DOCK2: variants seen among roughly 807,000 people sequenced by gnomAD.
DOCK2 encodes the protein dedicator of cytokinesis protein 2.
Under a neutral mutation model 248.9 loss-of-function variants are expected in DOCK2, and 87 were observed. That is an observed-to-expected ratio of 0.35 (90% CI 0.29 to 0.42). DOCK2 has a LOEUF of 0.42. DOCK2 is among the 10% of genes least tolerant of loss of function. The pLI, the probability that DOCK2 is intolerant of heterozygous loss-of-function variation, is 1.00. For synonymous variants in DOCK2, 805 were observed against 821.6 expected (o/e 0.98, Z 0.35); for missense variants, 1,747 against 2,300.2 (o/e 0.76, Z 4.92).
chr5:169,821,308 A>G (rs183706345), intron 26 of DOCK2, among the ~76,000 whole-genome samples: 2 of 151,888 alleles, frequency 1.3e-5, no homozygotes, highest in African/African-American at 4.9e-5. Flanking sequence ...ACTCCAAGAC[A>G]CATAATTGTC....
intron 1 of DOCK2, among the ~76,000 whole-genome samples, chr5:169,641,125 C>T (rs903475615): frequency 1.3e-5 from 2 of 152,162 alleles, no homozygotes; most frequent in Non-Finnish European, 2.9e-5. Flanking sequence ...CCGCATTTCT[C>T]CTTTTAAAAA....
At chr5:169,659,740 T>C (rs1222661936) in intron 2 of DOCK2, among the ~76,000 whole-genome samples, 1 of 152,192 alleles carries the variant, frequency 6.6e-6, no homozygotes, top group Non-Finnish European at 1.5e-5. Context: ...GCTGCCTCTT[T>C]TATCCAGAGG....
At chr5:169,855,190 TA>T (rs1012576271) in intron 27 of DOCK2, among the ~76,000 whole-genome samples, 3 of 152,206 alleles carry the variant, frequency 2.0e-5, no homozygotes, top group African/African-American at 7.2e-5. Context: ...ATAAATGAGA[TA>T]ATGCAGGCAA....
chr5:169,835,260 G>GTTTT (rs547978458), intron 26 of DOCK2, among the ~76,000 whole-genome samples: 1 of 134,794 alleles, frequency 7.4e-6, no homozygotes, highest in Non-Finnish European at 1.6e-5. Flanking sequence ...GAAATGCCTG[G>GTTTT]TTTTTTTTTT....
chr5:169,990,321 ACTCCTGACCTCTGGTGACT>A (rs1008305038), intron 29 of DOCK2, among the ~76,000 whole-genome samples: 12 of 151,736 alleles, frequency 7.9e-5, no homozygotes, highest in Non-Finnish European at 1.8e-4. Context: ...CTAGTCTCGA[ACTCCTGACCTCTGGTGACT>A]CACCTGCCTC....
At chr5:169,797,661 G>A (rs1257714304) in intron 25 of DOCK2, among the ~76,000 whole-genome samples, 6 of 152,328 alleles carry the variant, frequency 3.9e-5, no homozygotes, top group East Asian at 3.9e-4. Context: ...CTTGTCACTC[G>A]GTGGTAAGTC....
At chr5:169,882,563 G>C (rs1337143346) in intron 27 of DOCK2, 2 of 1,546,142 alleles carry the variant, frequency 1.3e-6, no homozygotes, top group Non-Finnish European at 1.8e-6. Context: ...CCTTCAGTGA[G>C]AGCTCGAGCT....
At chr5:169,729,792 G>A (rs1442409184) in intron 22 of DOCK2, among the ~76,000 whole-genome samples, 2 of 152,112 alleles carry the variant, frequency 1.3e-5, no homozygotes, top group Non-Finnish European at 2.9e-5. Context: ...AGAGTGCAGG[G>A]TATAGCACAG....
chr5:170,037,486 T>TTTTTTC (rs1756361643), intron 36 of DOCK2, among the ~76,000 whole-genome samples: 1 of 150,798 alleles, frequency 6.6e-6, no homozygotes, highest in Admixed American at 6.6e-5. Flanking sequence ...ACAAATTTTT[T>TTTTTTC]TTTTTTTTTT....
At chr5:169,771,669 A>G (rs1189806147) in intron 25 of DOCK2, among the ~76,000 whole-genome samples, 2 of 152,108 alleles carry the variant, frequency 1.3e-5, no homozygotes, top group African/African-American at 4.8e-5. Flanking sequence ...TGCTGATTTT[A>G]TGTATTGTGA....
chr5:170,018,885 TCCCCAGG>T lies in DOCK2; in HGVS notation c.3233-73_3233-67del. On this transcript the variant is annotated intron_variant, in intron 32 of 51. Transcript: ENST00000520908. ...ACTATTATGCTTCCCTTTTTTTCTT[TCCCCAGG>T]CTTGGTCGGAGGAGGACCTGTGCGT... The T allele has an allele frequency of 3.9e-6, 6 of 1,537,390 alleles. No homozygotes were observed. In the Admixed American group the frequency reaches 6.3e-5, roughly 16 times the overall value.
At chr5:169,941,210 GTTA>G (rs966787312) in intron 27 of DOCK2, among the ~76,000 whole-genome samples, 2 of 152,038 alleles carry the variant, frequency 1.3e-5, no homozygotes, top group African/African-American at 4.8e-5. Context: ...TTTATTTATT[GTTA>G]TTATTATTTT....
Position 169,886,652 on chromosome 5 carries a change from C to T in DOCK2, c.2799+45800C>T, listed in dbSNP as rs546307098. Among the ~76,000 whole-genome samples, 17 of 152,298 alleles carry T rather than the reference C, an allele frequency of 1.1e-4. No individual in the cohort carries two copies. The South Asian group carries it at 2.5e-3, about 22-fold the overall frequency. ...AAAATAACCTCCTGTATATTATCCCCGTTTTGCAGAGTAAGCAGTTGAAAT... is the reference window on the plus strand; with the variant it reads ...AAAATAACCTCCTGTATATTATCCCTGTTTTGCAGAGTAAGCAGTTGAAAT... On this transcript the variant is annotated intron_variant, in intron 27 of 51. Coordinates refer to ENST00000520908, the MANE Select transcript of DOCK2 (RefSeq NM_004946.3).
At chr5:169,715,036 A>G (rs1761825321) in intron 19 of DOCK2, among the ~76,000 whole-genome samples, 3 of 152,210 alleles carry the variant, frequency 2.0e-5, no homozygotes, top group Admixed American at 2.0e-4. Flanking sequence ...TGTTAGAAAT[A>G]AAAAGTATTC....
chr5:170,016,422 A>G (rs1396499015), intron 32 of DOCK2, among the ~76,000 whole-genome samples: 3 of 152,246 alleles, frequency 2.0e-5, no homozygotes, highest in African/African-American at 7.2e-5. Flanking sequence ...ACACATATGC[A>G]TTTGGATACT....
At chr5:169,876,068 G>T (rs181453285) in intron 27 of DOCK2, among the ~76,000 whole-genome samples, 1 of 152,234 alleles carries the variant, frequency 6.6e-6, no homozygotes, top group African/African-American at 2.4e-5. Context: ...TCTCACTTTT[G>T]GGGTCTGCCA....
rs562791445 is a variant in DOCK2, at chr5:169,864,264, C to T, written c.2799+23412C>T. 1.2e-5 allele frequency: 18 copies of T among 1,550,998 alleles called. No individual in the cohort carries two copies. In the African/African-American group the frequency reaches 2.2e-4, roughly 19 times the overall value. On this transcript the variant is annotated intron_variant, in intron 27 of 51. Coordinates refer to ENST00000520908, the MANE Select transcript of DOCK2 (RefSeq NM_004946.3). ...GGAGTTGGGGGGCTGGGGGATGGTC[C>T]CAACCAGCTCAGATCCACCAGAAGC...
intron 23 of DOCK2, among the ~76,000 whole-genome samples, chr5:169,757,362 GT>G (rs1764250081): frequency 7.8e-6 from 1 of 127,618 alleles, no homozygotes; most frequent in African/African-American, 4.2e-5. Flanking sequence ...AAGTTCTATA[GT>G]TAAAAAAAAA....
Position 170,079,386 on chromosome 5 carries a change from C to A in DOCK2, c.5166+240C>A. ...GAGCCCTGACCTTTGCACTTCAGAG[C>A]CTGTGTGTATCCTTTCCACCATCAC... On this transcript the variant is annotated intron_variant, in intron 49 of 51. Coordinates refer to ENST00000520908, the MANE Select transcript of DOCK2 (RefSeq NM_004946.3). 1.5e-5 allele frequency: 7 copies of A among 480,088 alleles called. No individual in the cohort carries two copies. The South Asian group carries it at 1.5e-4, about 10-fold the overall frequency. The allele number at this position is 480,088 out of a possible 1,614,324, so 29.7% of individuals were successfully genotyped here.
Sources: allele counts gnomAD v4.1 joint callset (sites outside exome capture counted in the v4.1 genomes callset), GRCh38; gene constraint gnomAD v4.1.1; transcripts MANE v1.5; gene names NCBI Gene and HGNC (gene_info 2026-07-23, HGNC 2026-07-21).